Variants in UGT1A5 observed in about 807,000 individuals in gnomAD.
The protein encoded by UGT1A5 is UDP glucuronosyltransferase family 1 member A5, also known as UDP-glucuronosyltransferase 1A5.
UGT1A5 carries 29 observed loss-of-function variants against 40.3 expected under a neutral mutation model. The ratio of observed to expected loss-of-function variants is 0.72; its 90% CI spans 0.54 to 0.98. The LOEUF is 0.98. Among genes scored for constraint, UGT1A5 ranks in the 50% least tolerant of loss-of-function variants. UGT1A5 has a pLI of 0.00. For missense variants in UGT1A5, 678 were observed against 677.9 expected, an observed-to-expected ratio of 1.00 and a Z score of 0.00; for synonymous variants, 257 against 262.5, an observed-to-expected ratio of 0.98 and a Z score of 0.20.
chr2:233,747,198 C>T (rs375624902), intron 1 of UGT1A5: 21 of 1,604,164 alleles, frequency 1.3e-5, no homozygotes, highest in Non-Finnish European at 1.8e-5. Context: ...GTCAGCTGTC[C>T]GTGTCTTCTG....
intron 1 of UGT1A5, among the ~76,000 whole-genome samples, chr2:233,749,225 A>G (rs1694145904): frequency 6.6e-6 from 1 of 151,808 alleles, no homozygotes; most frequent in Non-Finnish European, 1.5e-5. Context: ...TCTAAGCTTC[A>G]TTTTTTAAAA....
intron 1 of UGT1A5, among the ~76,000 whole-genome samples, chr2:233,727,335 C>T (rs1297453544): frequency 1.3e-5 from 2 of 152,170 alleles, no homozygotes; most frequent in Admixed American, 1.3e-4. Context: ...GAGCTCCTCC[C>T]TCCCCATAGT....
At chr2:233,754,396 GT>G in intron 1 of UGT1A5, 1 of 330,590 alleles carries the variant, frequency 3.0e-6, no homozygotes, top group South Asian at 2.6e-5. Flanking sequence ...GGTCCTATCC[GT>G]GCAGTCCCAA....
intron 1 of UGT1A5, chr2:233,743,940 C>T: frequency 7.4e-7 from 1 of 1,353,480 alleles, no homozygotes; most frequent in Non-Finnish European, 9.9e-7. Context: ...AACGGCCCAC[C>T]AGGCACTGGC....
chr2:233,718,917 G>A (rs754582990), intron 1 of UGT1A5: 1 of 1,614,108 alleles, frequency 6.2e-7, no homozygotes. Flanking sequence ...AAAGGTGTTG[G>A]TGGTGCCCAC....
chr2:233,733,436 G>A (rs2078397447), intron 1 of UGT1A5, among the ~76,000 whole-genome samples: 1 of 152,134 alleles, frequency 6.6e-6, no homozygotes, highest in South Asian at 2.1e-4. Context: ...TATGATATTG[G>A]CTGCGGGTTT....
At chr2:233,755,113 AG>A in intron 1 of UGT1A5, 1 of 1,332,540 alleles carries the variant, frequency 7.5e-7, no homozygotes, top group Non-Finnish European at 1.0e-6. Context: ...AACACCTCGT[AG>A]GCCTCAGCCA....
At chr2:233,743,695 C>T (rs751572797) in intron 1 of UGT1A5, 1 of 1,367,334 alleles carries the variant, frequency 7.3e-7, no homozygotes, top group East Asian at 4.5e-5. Flanking sequence ...TGCAGCCGCC[C>T]TCCGCCCCCG....
chr2:233,720,299 G>A (rs1559365753), intron 1 of UGT1A5, among the ~76,000 whole-genome samples: 1 of 152,118 alleles, frequency 6.6e-6, no homozygotes, highest in Admixed American at 6.5e-5. Flanking sequence ...AGGAGTTGGG[G>A]GTCTGGTGTA....
At chr2:233,756,352 C>G (rs1022933251) in intron 1 of UGT1A5, 1 of 152,152 alleles carries the variant, frequency 6.6e-6, no homozygotes, top group African/African-American at 2.4e-5. Flanking sequence ...ATTACTTTTA[C>G]CTAATAAATG....
chr2:233,741,310 C>A (rs184999730), intron 1 of UGT1A5, among the ~76,000 whole-genome samples: 1 of 151,634 alleles, frequency 6.6e-6, no homozygotes, highest in Admixed American at 6.5e-5. Flanking sequence ...AGATACACAC[C>A]AACTCATTCT....
chr2:233,731,447 C>A (rs113893267), intron 1 of UGT1A5, among the ~76,000 whole-genome samples: 5,926 of 152,214 alleles, frequency 0.039, 357 homozygotes, highest in African/African-American at 0.13. Flanking sequence ...TCCCCCACCC[C>A]ACAACAGGCC....
intron 1 of UGT1A5, chr2:233,755,127 T>C: frequency 7.6e-7 from 1 of 1,323,488 alleles, no homozygotes; most frequent in Non-Finnish European, 1.0e-6. Context: ...CTCAGCCACC[T>C]GCTTGAATCT....
chr2:233,748,222 C>T (rs1693896902), intron 1 of UGT1A5: 2 of 1,443,838 alleles, frequency 1.4e-6, no homozygotes, highest in Non-Finnish European at 1.9e-6. Flanking sequence ...GTGAGATAAA[C>T]TGTTAAGGGG....
Position 233,716,253 on chromosome 2 carries a change from C to T in UGT1A5, c.867+2395C>T, listed in dbSNP as rs28948390. On this transcript the variant is annotated intron_variant, in intron 1 of 4. Transcript: ENST00000373414. Reference sequence around the variant, plus strand: ...TACATTGTCCTGCCCGGACATCCAGCATAATCTCCCCATGTCAAAACCCTT... The same window carrying T: ...TACATTGTCCTGCCCGGACATCCAGTATAATCTCCCCATGTCAAAACCCTT... Among the ~76,000 whole-genome samples the T allele has an allele frequency of 8.7e-3, 1,327 of 152,306 alleles. 20 individuals are homozygous for T. Among genetic ancestry groups the T allele is most frequent in the African/African-American group, 0.03 (1,235 of 41,562 alleles).
rs538829256 is a variant in UGT1A5 at position 233,747,779 on chromosome 2, T to C, written c.868-19255T>C. 9.3e-4 allele frequency: 1,506 copies of C among 1,613,500 alleles called. 1 individual carries two copies. The highest frequency in any genetic ancestry group is 1.2e-3 in the Non-Finnish European group (1,364 of 1,179,858). On this transcript the variant is annotated intron_variant, in intron 1 of 4. Coordinates refer to ENST00000373414, the MANE Select transcript of UGT1A5 (RefSeq NM_019078.2). ...ACTTTAAGGGCACACAGTGTCCAAA[T>C]CCTTCCTCCTATATTCCTAAGTTAC...
At position 233,757,547 on chromosome 2, in the gene UGT1A5, T is replaced by TAC. The variant is rs1452370067; in HGVS notation, c.868-9486_868-9485insCA. Among the ~76,000 whole-genome samples, 65 of 133,940 alleles carry TAC rather than the reference T, an allele frequency of 4.9e-4. 6 individuals carry two copies. The highest frequency in any genetic ancestry group is 6.5e-4 in the Admixed American group (9 of 13,854). The allele number at this position is 133,940 out of a possible 152,430, so 87.9% of individuals were successfully genotyped here. On this transcript the variant is annotated intron_variant, in intron 1 of 4. Coordinates refer to ENST00000373414, the MANE Select transcript of UGT1A5 (RefSeq NM_019078.2). Reference sequence around the variant, plus strand: ...CTTGCCTGTAAGGAATATATATATATATATATATATATATGTATATATGAT... The same window carrying TAC: ...CTTGCCTGTAAGGAATATATATATATACATATATATATATATGTATATATGAT...
At chr2:233,729,643 T>C (rs1469650608) in intron 1 of UGT1A5, 1 of 1,613,972 alleles carries the variant, frequency 6.2e-7, no homozygotes, top group East Asian at 2.2e-5. Context: ...TGTGTTTTTT[T>C]TGAGGAACAT....
rs769020830 is a variant in UGT1A5, at chr2:233,712,923, A to C, written c.-69A>C. On this transcript the variant is annotated 5_prime_UTR_variant, in exon 1 of 5. Coordinates refer to ENST00000373414, the MANE Select transcript of UGT1A5 (RefSeq NM_019078.2). Reference sequence around the variant, plus strand: ...AGGTGTCTCAGTGACAAGGTAATTAAGACGAAGGAAACAATTCTAGGAGGC... The same window carrying C: ...AGGTGTCTCAGTGACAAGGTAATTACGACGAAGGAAACAATTCTAGGAGGC... 18 of 1,612,000 alleles carry C rather than the reference A, an allele frequency of 1.1e-5. No individual in the cohort carries two copies. Among genetic ancestry groups the C allele is most frequent in the Non-Finnish European group, 1.5e-5 (18 of 1,179,900 alleles).
Sources: gnomAD v4.1 joint callset for allele counts (sites outside exome capture counted in the v4.1 genomes callset) on GRCh38, gnomAD v4.1.1 for gene constraint, MANE v1.5 for transcripts, NCBI Gene and HGNC (gene_info 2026-07-23, HGNC 2026-07-21) for gene names.